The following RIC1 variants were observed in gnomAD, a reference collection of about 807,000 sequenced individuals.
The protein encoded by RIC1 is RIC1 partner of RAB6A GEF complex.
In RIC1, 88 loss-of-function variants were observed where a neutral mutation model predicts 169.0. The observed-to-expected ratio is 0.52, with a 90% CI of 0.44 to 0.62. The LOEUF is 0.62. RIC1 is among the 20% of genes least tolerant of loss of function. RIC1 has a pLI of 0.00. For missense variants in RIC1, 1,877 were observed against 1,725.5 expected, an observed-to-expected ratio of 1.09 and a Z score of -1.56; for synonymous variants, 790 against 601.5, an observed-to-expected ratio of 1.31 and a Z score of -4.59.
intron 2 of RIC1, among the ~76,000 whole-genome samples, chr9:5,670,993 C>T (rs1820057422): frequency 6.6e-6 from 1 of 152,054 alleles, no homozygotes; most frequent in African/African-American, 2.4e-5. Context: ...CCTCCGCCGT[C>T]AGAAATGCAA....
intron 3 of RIC1, among the ~76,000 whole-genome samples, chr9:5,691,456 TTAAAG>T (rs1426375101): frequency 6.6e-6 from 1 of 151,742 alleles, no homozygotes; most frequent in African/African-American, 2.4e-5. Context: ...TTGGAAATCT[TTAAAG>T]TACAGACTTT....
At chr9:5,669,696 G>A (rs376645086) in intron 2 of RIC1, among the ~76,000 whole-genome samples, 47 of 152,320 alleles carry the variant, frequency 3.1e-4, no homozygotes, top group African/African-American at 1.1e-3. Flanking sequence ...AGGGAACACT[G>A]CAGTGGGTTC....
chr9:5,777,009 T>C (rs1159417108), downstream of RIC1, among the ~76,000 whole-genome samples: 1 of 152,122 alleles, frequency 6.6e-6, no homozygotes, highest in Non-Finnish European at 1.5e-5. Flanking sequence ...CTTTTCTATC[T>C]CACTTCTTGG....
Position 5,756,380 on chromosome 9 carries a change from T to C in RIC1, c.1853+8T>C, listed in dbSNP as rs752466154. ...TGAAAGAAAATCTGATGGGTAAGTA[T>C]CTGGCATATGAGAAGTCACTTTTTG... On this transcript the variant is annotated splice_region_variant and intron_variant, in intron 16 of 25. Coordinates refer to ENST00000414202, the MANE Select transcript of RIC1 (RefSeq NM_020829.4). The C allele has an allele frequency of 7.0e-7, 1 of 1,432,102 alleles. No homozygotes were observed. Among genetic ancestry groups the C allele is most frequent in the Admixed American group, 2.2e-5 (1 of 45,450 alleles). 88.7% of individuals were successfully genotyped at this position (1,432,102 alleles called of 1,614,324 possible). A position where few individuals can be genotyped will look rare whatever the true frequency, so the allele number is the denominator to read the frequency against.
Position 5,715,970 on chromosome 9 carries a change from A to C in RIC1, c.440+1967A>C, listed in dbSNP as rs1237346660. ...TCCAGTGATCTCACCTCAGCCTATCAAGTAGCTGGGACTACAGGCACACGT... is the reference window on the plus strand; with the variant it reads ...TCCAGTGATCTCACCTCAGCCTATCCAGTAGCTGGGACTACAGGCACACGT... On this transcript the variant is annotated intron_variant, in intron 4 of 25. Coordinates refer to ENST00000414202, the MANE Select transcript of RIC1 (RefSeq NM_020829.4). Among the ~76,000 whole-genome samples, 9 of 152,132 alleles carry C rather than the reference A, an allele frequency of 5.9e-5. No individual in the cohort carries two copies. In the East Asian group the frequency reaches 1.6e-3, roughly 26 times the overall value.
chr9:5,652,013 A>C (rs1818831415), intron 1 of RIC1, among the ~76,000 whole-genome samples: 1 of 152,174 alleles, frequency 6.6e-6, no homozygotes, highest in African/African-American at 2.4e-5. Flanking sequence ...GTTTTTTGAA[A>C]ATCAGTTGGC....
At chr9:5,766,201 T>G (rs557349773) in intron 21 of RIC1, among the ~76,000 whole-genome samples, 5 of 152,152 alleles carry the variant, frequency 3.3e-5, no homozygotes, top group Non-Finnish European at 7.4e-5. Context: ...GCCACCACAC[T>G]CGGCTAATTT....
intron 2 of RIC1, among the ~76,000 whole-genome samples, chr9:5,689,543 G>C (rs1821472196): frequency 6.6e-6 from 1 of 152,134 alleles, no homozygotes; most frequent in Non-Finnish European, 1.5e-5. Context: ...TGTAAATTTT[G>C]AGTAGAGTAA....
chr9:5,633,819 T>C (rs1817840091), intron 1 of RIC1, among the ~76,000 whole-genome samples: 1 of 152,188 alleles, frequency 6.6e-6, no homozygotes, highest in Non-Finnish European at 1.5e-5. Context: ...TAACGATAGT[T>C]ACTGGGCCAT....
chr9:5,746,031 G>T lies in RIC1; in HGVS notation c.1196G>T (p.Ser399Ile). Reference sequence around the variant, plus strand: ...CTCAGGAGTGTAGTTAAACAGCCCAGCATCCTGTTATTTCAGTTTATTAAG... The same window carrying T: ...CTCAGGAGTGTAGTTAAACAGCCCATCATCCTGTTATTTCAGTTTATTAAG... ...SDLRSVVKQP[S>I]ILLFQFIKSV... The change falls in exon 11 of 26, where the codon AGC (serine) becomes ATC (isoleucine). Residue 399 changes from serine to isoleucine, a missense_variant. Coordinates refer to ENST00000414202, the MANE Select transcript of RIC1 (RefSeq NM_020829.4). 6.2e-7 allele frequency: 1 copy of T among 1,613,586 alleles called. No homozygotes were observed. Among genetic ancestry groups the T allele is most frequent in the Non-Finnish European group, 8.5e-7 (1 of 1,179,586 alleles).
chr9:5,648,486 G>T (rs1818642813), intron 1 of RIC1, among the ~76,000 whole-genome samples: 1 of 152,104 alleles, frequency 6.6e-6, no homozygotes, highest in South Asian at 2.1e-4. Flanking sequence ...TATGAACTTG[G>T]GGGTGCAAAT....
At chr9:5,739,029 T>C (rs945945167) in intron 8 of RIC1, among the ~76,000 whole-genome samples, 1 of 152,158 alleles carries the variant, frequency 6.6e-6, no homozygotes, top group African/African-American at 2.4e-5. Context: ...CTGTTAGATC[T>C]GACATACAGA....
chr9:5,703,240 C>T (rs1822346967), intron 3 of RIC1, among the ~76,000 whole-genome samples: 1 of 152,186 alleles, frequency 6.6e-6, no homozygotes, highest in Admixed American at 6.5e-5. Context: ...TTGGTTAATA[C>T]TCCCGTTCCG....
In RIC1 at chr9:5,763,911, TA is replaced by T. The variant is rs761170504; in HGVS notation, c.2841+46del. ...ATAAAGGGGCAAGAATTAATGAGCT[TA>T]AACTTAGAAAAATAGAAATGTCCTG... On this transcript the variant is annotated intron_variant, in intron 19 of 25. Coordinates refer to ENST00000414202, the MANE Select transcript of RIC1 (RefSeq NM_020829.4). This position sits in a 1 kb window ranked among gnomAD's most constrained non-coding sequence, Gnocchi z 5.2. 1 of 1,536,168 alleles carries T rather than the reference TA, an allele frequency of 6.5e-7. No homozygotes were observed.
intron 1 of RIC1, among the ~76,000 whole-genome samples, chr9:5,631,227 A>G (rs1817700123): frequency 6.6e-6 from 1 of 152,212 alleles, no homozygotes; most frequent in South Asian, 2.1e-4. Context: ...TAAACTATTC[A>G]TACTCTTCTT....
intron 1 of RIC1, among the ~76,000 whole-genome samples, chr9:5,639,753 T>C (rs1234571534): frequency 6.6e-6 from 1 of 152,220 alleles, no homozygotes; most frequent in East Asian, 1.9e-4. Context: ...GCTTTGTATA[T>C]CTGGGTGTGT....
At chr9:5,746,654 G>A (rs1256959815) in intron 11 of RIC1, among the ~76,000 whole-genome samples, 2 of 152,022 alleles carry the variant, frequency 1.3e-5, no homozygotes, top group Non-Finnish European at 2.9e-5. Flanking sequence ...TAGAAACACC[G>A]CCCCAAACAC....
At position 5,733,559 on chromosome 9, in the gene RIC1, G is replaced by T. The variant is rs372207026; in HGVS notation, c.812+1080G>T. ...ATTACAGGCGTGAGCCACCGTGCCC[G>T]GCCAGATTTTTTTATTAGTATAAAT... On this transcript the variant is annotated intron_variant, in intron 7 of 25. Coordinates refer to ENST00000414202, the MANE Select transcript of RIC1 (RefSeq NM_020829.4). 3.9e-4 allele frequency among the ~76,000 whole-genome samples: 60 copies of T among 151,984 alleles called. 2 individuals carry two copies. The South Asian group carries it at 0.012, about 31-fold the overall frequency.
intron 2 of RIC1, among the ~76,000 whole-genome samples, chr9:5,687,008 A>G (rs760029504): frequency 6.6e-6 from 1 of 152,188 alleles, no homozygotes; most frequent in Non-Finnish European, 1.5e-5. Context: ...TTGAATTGGA[A>G]TTATAATTTC....
Sources: allele counts gnomAD v4.1 joint callset (sites outside exome capture counted in the v4.1 genomes callset), GRCh38; gene constraint gnomAD v4.1.1; non-coding constraint Gnocchi (gnomAD v3.1); transcripts MANE v1.5; gene names NCBI Gene and HGNC (gene_info 2026-07-23, HGNC 2026-07-21).